LRRC49: variants seen among roughly 807,000 people sequenced by gnomAD.
LRRC49 encodes leucine-rich repeat-containing protein 49.
LRRC49 carries 50 observed loss-of-function variants against 83.3 expected under a neutral mutation model. The observed-to-expected ratio is 0.60, with a 90% CI of 0.48 to 0.76. The LOEUF (loss-of-function observed/expected upper bound fraction) is 0.76. Among genes scored for constraint, LRRC49 ranks in the 30% least tolerant of loss-of-function variants. The pLI, the probability that LRRC49 is intolerant of heterozygous loss-of-function variation, is 0.00. For synonymous variants in LRRC49, 286 were observed against 283.3 expected (o/e 1.01, Z -0.10); for missense variants, 704 against 809.1 (o/e 0.87, Z 1.58).
intron 1 of LRRC49, chr15:70,854,141 G>A (rs1160558283): frequency 1.1e-5 from 13 of 1,195,422 alleles, no homozygotes; most frequent in Non-Finnish European, 1.0e-5. Flanking sequence ...GGCCCAGCCA[G>A]CCGGTCGGCA....
At chr15:70,987,233 T>C (rs1405797456) in intron 11 of LRRC49, among the ~76,000 whole-genome samples, 1 of 152,216 alleles carries the variant, frequency 6.6e-6, no homozygotes, top group African/African-American at 2.4e-5. Flanking sequence ...CTTGTACCTC[T>C]GGTAGAATTC....
At position 71,036,356 on chromosome 15, in the gene LRRC49, T is replaced by C. The variant is rs953676204; in HGVS notation, c.1704-823T>C. On this transcript the variant is annotated intron_variant, in intron 14 of 15. Coordinates refer to ENST00000260382, the MANE Select transcript of LRRC49 (RefSeq NM_017691.5). ...TGGGTGGTTTTTATCCATTTCTTTA[T>C]ACTTTTCAAATTTGCACTTCCTAAA... is the stretch of plus-strand genomic sequence containing the variant. 8.7e-4 allele frequency among the ~76,000 whole-genome samples: 133 copies of C among 152,326 alleles called. 1 individual carries two copies. The highest frequency in any genetic ancestry group is 3.1e-3 in the African/African-American group (130 of 41,582).
rs1461631726 is a variant in LRRC49 at position 71,051,736 on chromosome 15, CCA to C, written c.*2125_*2126del. The stretch of plus-strand genomic sequence containing the variant: ...CTTGACACTCACATGCTTTCTTGGC[CCA>C]GTCACCCTGGGAATCTTAGGAACAC... On this transcript the variant is annotated 3_prime_UTR_variant, in exon 16 of 16. Coordinates refer to ENST00000260382, the MANE Select transcript of LRRC49 (RefSeq NM_017691.5). 6.6e-6 allele frequency: 1 copy of C among 152,440 alleles called. No individual in the cohort carries two copies. Among genetic ancestry groups the C allele is most frequent in the Non-Finnish European group, 1.5e-5 (1 of 68,264 alleles). 9.4% of individuals were successfully genotyped at this position (152,440 alleles called of 1,614,324 possible). A position where few individuals can be genotyped will look rare whatever the true frequency, so the allele number is the denominator to read the frequency against.
At chr15:71,035,529 A>C (rs1434685906) in intron 14 of LRRC49, among the ~76,000 whole-genome samples, 2 of 151,888 alleles carry the variant, frequency 1.3e-5, no homozygotes, top group Admixed American at 6.6e-5. Flanking sequence ...CTGGTGTGTG[A>C]TGTTCCCCTC....
In LRRC49 at chr15:71,052,094, G is replaced by C. The variant is rs753861173; in HGVS notation, c.*2482G>C. On this transcript the variant is annotated 3_prime_UTR_variant, in exon 16 of 16. Coordinates refer to ENST00000260382, the MANE Select transcript of LRRC49 (RefSeq NM_017691.5). Reference sequence around the variant, plus strand: ...TAATCCCCAGATAAAAAGACAAGGAGACCTGGGTCTGCTGGGTTAGGGATC... The same window carrying C: ...TAATCCCCAGATAAAAAGACAAGGACACCTGGGTCTGCTGGGTTAGGGATC... The C allele has an allele frequency of 1.3e-4, 20 of 152,236 alleles. No individual in the cohort carries two copies. Among genetic ancestry groups the C allele is most frequent in the Non-Finnish European group, 2.2e-4 (15 of 68,082 alleles). 9.4% of individuals were successfully genotyped at this position (152,236 alleles called of 1,614,324 possible).
Position 70,985,789 on chromosome 15 carries a change from C to T in LRRC49, c.1169+1532C>T, listed in dbSNP as rs2037590456. Among the ~76,000 whole-genome samples the T allele has an allele frequency of 8.1e-5, 12 of 148,204 alleles. No individual in the cohort carries two copies. The Admixed American group carries it at 8.1e-4, about 10-fold the overall frequency. On this transcript the variant is annotated intron_variant, in intron 11 of 15. Transcript: ENST00000260382. ...TCTAACATTTAAGTCTTTAATCCAT[C>T]TTGAATTAATTTTTGTATAAGGTGT...
At position 71,052,046 on chromosome 15, in the gene LRRC49, G is replaced by A. The variant is rs565494074; in HGVS notation, c.*2434G>A. On this transcript the variant is annotated 3_prime_UTR_variant, in exon 16 of 16. Coordinates refer to ENST00000260382, the MANE Select transcript of LRRC49 (RefSeq NM_017691.5). ...GTTCTACACTCCAAACTCATTTTGC[G>A]TTCTGAAGTTCCTTGGTGAAGATAA... The A allele has an allele frequency of 1.1e-4, 16 of 152,202 alleles. No homozygotes were observed. Among genetic ancestry groups the A allele is most frequent in the Admixed American group, 2.6e-4 (4 of 15,282 alleles). The allele number at this position is 152,202 out of a possible 1,614,324, so 9.4% of individuals were successfully genotyped here.
At chr15:70,963,148 T>C (rs2141197707) in intron 8 of LRRC49, among the ~76,000 whole-genome samples, 1 of 151,686 alleles carries the variant, frequency 6.6e-6, no homozygotes, top group East Asian at 1.9e-4. Context: ...TGATGGTACA[T>C]ACCTGTAGTT....
intron 11 of LRRC49, among the ~76,000 whole-genome samples, chr15:70,988,811 A>C (rs983836017): frequency 1.8e-4 from 27 of 151,548 alleles, no homozygotes; most frequent in African/African-American, 5.6e-4. Flanking sequence ...TTCCTTCAGG[A>C]GCTCTTTTAG....
intron 1 of LRRC49, chr15:70,859,971 C>T: frequency 2.6e-6 from 2 of 760,526 alleles, no homozygotes; most frequent in Middle Eastern, 3.6e-4. Context: ...AGCGGCTATG[C>T]AGGTGGTCTG....
intron 15 of LRRC49, among the ~76,000 whole-genome samples, chr15:71,038,386 A>G (rs980833156): frequency 2.6e-5 from 4 of 152,098 alleles, no homozygotes; most frequent in Non-Finnish European, 4.4e-5. Context: ...AACCCAGTGT[A>G]TCAGAAGAAA....
At chr15:70,931,961 C>A (rs2035423461) in intron 7 of LRRC49, among the ~76,000 whole-genome samples, 2 of 152,112 alleles carry the variant, frequency 1.3e-5, no homozygotes, top group African/African-American at 4.8e-5. Flanking sequence ...GAAATTGAGG[C>A]TTTTTATTGA....
At chr15:70,880,417 C>G (rs8033868) in intron 2 of LRRC49, among the ~76,000 whole-genome samples, 66,688 of 151,932 alleles carry the variant, frequency 0.44, 15,057 homozygotes, top group East Asian at 0.61. Flanking sequence ...ACTTGTCTGG[C>G]ACAGAGTATA....
In LRRC49 at chr15:70,949,109, T is replaced by C. The variant is rs559766185; in HGVS notation, c.773+12287T>C. ...CATTTTTTCTAACCATTTTAAAACATAGAGGCCATTATTAACTTGTGGGCC... is the reference window on the plus strand; with the variant it reads ...CATTTTTTCTAACCATTTTAAAACACAGAGGCCATTATTAACTTGTGGGCC... On this transcript the variant is annotated intron_variant, in intron 8 of 15. Transcript: ENST00000260382. 2.1e-3 allele frequency among the ~76,000 whole-genome samples: 313 copies of C among 152,316 alleles called. 4 individuals carry two copies. Among genetic ancestry groups the C allele is most frequent in the Middle Eastern group, 0.017 (5 of 294 alleles).
intron 2 of LRRC49, chr15:70,881,698 C>T (rs1265469843): frequency 1.3e-5 from 2 of 152,108 alleles, no homozygotes; most frequent in Admixed American, 1.3e-4. Context: ...ATACCTAACA[C>T]CTGCAATGGG....
In LRRC49 at chr15:71,036,385, C is replaced by T. The variant is rs116847642; in HGVS notation, c.1704-794C>T. Among the ~76,000 whole-genome samples the T allele has an allele frequency of 3.0e-3, 454 of 152,182 alleles. 5 individuals carry two copies. The highest frequency in any genetic ancestry group is 0.019 in the Admixed American group (294 of 15,270). On this transcript the variant is annotated intron_variant, in intron 14 of 15. Transcript: ENST00000260382. ...TTTCAAATTTGCACTTCCTAAAAAT[C>T]TCTAAAATTATTGTGTTATACTTTT...
In LRRC49 at chr15:71,051,139, T is replaced by G. The variant is rs1274010423; in HGVS notation, c.*1527T>G. 2 of 152,402 alleles carry G rather than the reference T, an allele frequency of 1.3e-5. No homozygotes were observed. Among genetic ancestry groups the G allele is most frequent in the Non-Finnish European group, 2.9e-5 (2 of 68,210 alleles). 9.4% of individuals were successfully genotyped at this position (152,402 alleles called of 1,614,324 possible). A position where few individuals can be genotyped will look rare whatever the true frequency, so the allele number is the denominator to read the frequency against. ...CAGGTGTGAGCCACCATGCCTGTCC[T>G]GTCCTGGTTTTTTCATCTTGGCACT... On this transcript the variant is annotated 3_prime_UTR_variant, in exon 16 of 16. Transcript: ENST00000260382.
chr15:70,860,416 C>A (rs1257125154), intron 1 of LRRC49, among the ~76,000 whole-genome samples: 2 of 152,044 alleles, frequency 1.3e-5, no homozygotes, highest in African/African-American at 4.8e-5. Flanking sequence ...ACAAACAAAA[C>A]CAAAAAACAA....
At chr15:71,022,190 T>C (rs550743481) in intron 14 of LRRC49, among the ~76,000 whole-genome samples, 1 of 152,244 alleles carries the variant, frequency 6.6e-6, no homozygotes, top group Admixed American at 6.5e-5. Context: ...CTGTTCAACA[T>C]TGTGAAACCC....
Sources: allele counts gnomAD v4.1 joint callset (sites outside exome capture counted in the v4.1 genomes callset), GRCh38; gene constraint gnomAD v4.1.1; transcripts MANE v1.5; gene names NCBI Gene and HGNC (gene_info 2026-07-23, HGNC 2026-07-21).